The following SOX6 variants were observed in gnomAD, a reference collection of about 807,000 sequenced individuals.
SOX6 encodes SRY-box transcription factor 6.
In SOX6, 11 loss-of-function variants were observed where a neutral mutation model predicts 97.8. The observed-to-expected ratio is 0.11, with a 90% confidence interval of 0.07 to 0.19. The LOEUF (loss-of-function observed/expected upper bound fraction) is 0.19, where lower values mean the gene tolerates loss of function less well. Among genes scored for constraint, SOX6 ranks in the 10% least tolerant of loss-of-function variants. The pLI is 1.00. For missense variants in SOX6, 810 were observed against 1,039.5 expected, an observed-to-expected ratio of 0.78 and a Z score of 3.04; for synonymous variants, 360 against 371.4, an observed-to-expected ratio of 0.97 and a Z score of 0.35.
At chr11:16,365,705 T>C (rs1038533034) in intron 1 of SOX6, among the ~76,000 whole-genome samples, 1 of 152,134 alleles carries the variant, frequency 6.6e-6, no homozygotes, top group African/African-American at 2.4e-5. Context: ...GCCAAATGTA[T>C]AGAAATTTCA....
intron 1 of SOX6, among the ~76,000 whole-genome samples, chr11:16,445,813 C>A (rs1005641021): frequency 2.0e-5 from 3 of 151,956 alleles, no homozygotes; most frequent in African/African-American, 7.3e-5. Flanking sequence ...TAAAAGTATG[C>A]CCACAAAGGT....
chr11:16,513,967 T>A (rs1860920616), intron 4 of SOX6, among the ~76,000 whole-genome samples: 1 of 151,944 alleles, frequency 6.6e-6, no homozygotes, highest in African/African-American at 2.4e-5. Flanking sequence ...TCCCAGCACT[T>A]TGGGAGGCCA....
chr11:16,271,732 T>C (rs575664199), intron 3 of SOX6, among the ~76,000 whole-genome samples: 116 of 151,540 alleles, frequency 7.7e-4, no homozygotes, highest in African/African-American at 2.6e-3. Flanking sequence ...ATATTTTGCG[T>C]GTTTATGTTT....
At chr11:16,268,207 C>T (rs960204787) in intron 3 of SOX6, among the ~76,000 whole-genome samples, 7 of 151,132 alleles carry the variant, frequency 4.6e-5, no homozygotes, top group African/African-American at 1.7e-4. Flanking sequence ...GTTTTTGTCA[C>T]AAAAATGTCA....
intron 1 of SOX6, among the ~76,000 whole-genome samples, chr11:16,353,691 G>A (rs552435298): frequency 6.0e-4 from 92 of 152,120 alleles, no homozygotes; most frequent in African/African-American, 2.2e-3. Context: ...TCATTGCACA[G>A]AATTGTTTGA....
In SOX6 at chr11:16,344,492, C is replaced by T. The variant is rs1017866930; in HGVS notation, c.-4-3240G>A. 3.9e-5 allele frequency among the ~76,000 whole-genome samples: 6 copies of T among 151,900 alleles called. No homozygotes were observed. The East Asian group carries it at 9.6e-4, about 24-fold the overall frequency. The stretch of plus-strand genomic sequence containing the variant: ...TTCTAGAAGCTTCAATGGCACTTGA[C>T]TTTTGGTAATGCCTTTACTATAACC... On this transcript the variant is annotated intron_variant, in intron 1 of 15. Coordinates refer to ENST00000683767, the MANE Select transcript of SOX6 (RefSeq NM_001367873.1).
intron 4 of SOX6, among the ~76,000 whole-genome samples, chr11:16,220,889 T>C (rs1852519405): frequency 6.6e-6 from 1 of 152,082 alleles, no homozygotes; most frequent in Non-Finnish European, 1.5e-5. Context: ...ATGTTTATTA[T>C]GTCACAGGCG....
intron 3 of SOX6, among the ~76,000 whole-genome samples, chr11:16,700,039 T>C (rs1360062303): frequency 6.6e-6 from 1 of 151,818 alleles, no homozygotes; most frequent in Non-Finnish European, 1.5e-5. Flanking sequence ...ATCAGACACA[T>C]GCAAATAATG....
At chr11:16,275,050 G>T (rs1290239984) in intron 3 of SOX6, among the ~76,000 whole-genome samples, 2 of 151,926 alleles carry the variant, frequency 1.3e-5, no homozygotes, top group Admixed American at 6.6e-5. Flanking sequence ...CTAAGTAATG[G>T]GTATACAAGG....
chr11:16,681,407 C>T (rs932338501), intron 3 of SOX6, among the ~76,000 whole-genome samples: 2 of 152,028 alleles, frequency 1.3e-5, no homozygotes, highest in African/African-American at 2.4e-5. Flanking sequence ...TTCTTTGAAA[C>T]GAATTAGAAC....
At chr11:16,461,541 C>T (rs929820190) in intron 1 of SOX6, among the ~76,000 whole-genome samples, 4 of 152,124 alleles carry the variant, frequency 2.6e-5, no homozygotes, top group African/African-American at 7.2e-5. Context: ...CTATCCCATA[C>T]TATGTGCTTC....
At chr11:16,029,874 T>C (rs78648727) in intron 12 of SOX6, among the ~76,000 whole-genome samples, 3,860 of 152,230 alleles carry the variant, frequency 0.025, 159 homozygotes, top group African/African-American at 0.088. Flanking sequence ...ATAATATACC[T>C]CTTATTTAAC....
intron 3 of SOX6, among the ~76,000 whole-genome samples, chr11:16,665,168 G>A (rs1847797733): frequency 6.6e-6 from 1 of 151,788 alleles, no homozygotes; most frequent in Non-Finnish European, 1.5e-5. Context: ...CTTGAGAAAA[G>A]GAGAAAGAAC....
intron 10 of SOX6, among the ~76,000 whole-genome samples, chr11:16,050,983 C>T (rs776577733): frequency 6.6e-6 from 1 of 151,952 alleles, no homozygotes; most frequent in Non-Finnish European, 1.5e-5. Flanking sequence ...AGTTTGGTAA[C>T]AGAACATTTT....
chr11:16,685,424 T>C (rs1847961623), intron 3 of SOX6, among the ~76,000 whole-genome samples: 1 of 152,248 alleles, frequency 6.6e-6, no homozygotes, highest in Non-Finnish European at 1.5e-5. Context: ...TAAACATTTC[T>C]GTTCCAAAAG....
intron 1 of SOX6, among the ~76,000 whole-genome samples, chr11:16,373,050 T>C (rs1022880647): frequency 3.3e-5 from 5 of 151,978 alleles, no homozygotes; most frequent in African/African-American, 1.2e-4. Flanking sequence ...GAAGAAAAAA[T>C]AGTGAGAAGG....
intron 3 of SOX6, among the ~76,000 whole-genome samples, chr11:16,692,976 GTTCTAATAATTATTCTCTTACTGT>G (rs1273221101): frequency 2.0e-5 from 3 of 152,020 alleles, no homozygotes; most frequent in Non-Finnish European, 4.4e-5. Flanking sequence ...CATATGATTC[GTTCTAATAATTATTCTCTTACTGT>G]TTGGCATTTA....
At chr11:16,321,509 A>G (rs1338027314) in intron 2 of SOX6, among the ~76,000 whole-genome samples, 1 of 152,060 alleles carries the variant, frequency 6.6e-6, no homozygotes, top group Non-Finnish European at 1.5e-5. Context: ...ACTAATGCCA[A>G]ACAATCTTAT....
chr11:16,265,043 T>G (rs1251787863), intron 3 of SOX6, among the ~76,000 whole-genome samples: 1 of 151,780 alleles, frequency 6.6e-6, no homozygotes, highest in Non-Finnish European at 1.5e-5. Context: ...AAGCCTATTT[T>G]CCAGAGTCAA....
Sources: allele counts gnomAD v4.1 joint callset (sites outside exome capture counted in the v4.1 genomes callset), GRCh38; gene constraint gnomAD v4.1.1; transcripts MANE v1.5; gene names NCBI Gene and HGNC (gene_info 2026-07-23, HGNC 2026-07-21).